Variants in RAF1 observed in about 807,000 individuals in gnomAD.
RAF1 encodes RAF proto-oncogene serine/threonine-protein kinase.
RAF1 carries 27 observed loss-of-function variants against 81.1 expected under a neutral mutation model. That is an observed-to-expected ratio of 0.33 (90% confidence interval 0.25 to 0.46). The LOEUF (loss-of-function observed/expected upper bound fraction) is 0.46, where lower values mean the gene tolerates loss of function less well. Ranked by LOEUF, RAF1 falls within the 20% of genes least tolerant of loss-of-function variation. The probability of loss-of-function intolerance (pLI) is 1.00; values close to 1 mark genes in which losing one functional copy is unlikely to be tolerated. For synonymous variants in RAF1, 298 were observed against 294.0 expected (o/e 1.01, Z -0.14); for missense variants, 598 against 826.0 (o/e 0.72, Z 3.38).
intron 1 of RAF1, among the ~76,000 whole-genome samples, chr3:12,636,211 G>A (rs1490608592): frequency 6.6e-5 from 10 of 150,988 alleles, no homozygotes; most frequent in Non-Finnish European, 1.3e-4. Flanking sequence ...CCTTGAACCC[G>A]GGAGGCAGAG....
chr3:12,627,711 T>TA (rs2059745694), intron 1 of RAF1, among the ~76,000 whole-genome samples: 1 of 144,688 alleles, frequency 6.9e-6, no homozygotes, highest in Non-Finnish European at 1.5e-5. Context: ...ACTTTGAGGA[T>TA]ATATTTGCTT....
chr3:12,605,488 G>A (rs2058997779), intron 6 of RAF1, among the ~76,000 whole-genome samples: 1 of 152,122 alleles, frequency 6.6e-6, no homozygotes, highest in African/African-American at 2.4e-5. Flanking sequence ...ATGTTGGCCA[G>A]GCTAGTCTGG....
intron 14 of RAF1, 57 bp from the exon 14 acceptor site, chr3:12,585,856 A>C (rs1246217431): frequency 2.4e-6 from 3 of 1,256,028 alleles, no homozygotes; most frequent in Non-Finnish European, 3.5e-6. Flanking sequence ...ATTTTGAAAA[A>C]TATCCCAAAG....
rs758789879 is a variant in RAF1, at chr3:12,591,758, G to A, written c.1203C>T (p.Asp401=). ...AGGCCTGGAATTGCTCTGGGGTTGG[G>A]TCGACAACCTTTAGGATCTTTACTG... The change falls in exon 12 of 18, where the codon GAC becomes GAT. Residue 401 remains aspartate, a synonymous_variant. Transcript: ENST00000442415. 5.6e-6 allele frequency: 9 copies of A among 1,614,068 alleles called. No individual in the cohort carries two copies. Among genetic ancestry groups the A allele is most frequent in the South Asian group, 3.3e-5 (3 of 91,086 alleles).
At chr3:12,606,147 A>C (rs2059021380) in intron 6 of RAF1, 54 bp downstream of exon 6, 4 of 1,393,350 alleles carry the variant, frequency 2.9e-6, no homozygotes, top group Non-Finnish European at 4.1e-6. Flanking sequence ...TCAAGCTTCC[A>C]ACCCCACCAC....
intron 14 of RAF1, chr3:12,587,173 ATTTGGCTTG>A (rs998436559): frequency 5.3e-6 from 1 of 188,622 alleles, no homozygotes; most frequent in African/African-American, 2.4e-5. Context: ...ACCTTTCAAC[ATTTGGCTTG>A]TAGCTACTTG....
Position 12,584,248 on chromosome 3 carries a change from G to GC in RAF1, c.*265dup, listed in dbSNP as rs748602944. 2.1e-4 allele frequency: 106 copies of GC among 514,428 alleles called. No homozygotes were observed. Among genetic ancestry groups the GC allele is most frequent in the Non-Finnish European group, 3.3e-4 (94 of 282,628 alleles). The allele number at this position is 514,428 out of a possible 1,614,324, so 31.9% of individuals were successfully genotyped here. ...TGTACTACCATCAACATCCACTTGC[G>GC]CATCTACAGAAGGCTGGGCCTTGAG... is the stretch of plus-strand genomic sequence containing the variant. On this transcript the variant is annotated 3_prime_UTR_variant, in exon 18 of 18. Coordinates refer to ENST00000442415, the MANE Select transcript of RAF1 (RefSeq NM_001354689.3).
chr3:12,618,413 A>G, intron 2 of RAF1, 102 bp downstream of exon 2: 1 of 1,261,280 alleles, frequency 7.9e-7, no homozygotes, highest in East Asian at 2.3e-5. Flanking sequence ...AAAGACCCTA[A>G]ATGACAATGA....
chr3:12,639,357 G>A (rs1364103269), intron 1 of RAF1, among the ~76,000 whole-genome samples: 4 of 152,134 alleles, frequency 2.6e-5, no homozygotes, highest in East Asian at 1.9e-4. Flanking sequence ...ACATAGTGTC[G>A]GAAGTTCTGG....
intron 14 of RAF1, 74 bp downstream of exon 13, chr3:12,587,517 T>C (rs2058366353): frequency 1.5e-6 from 2 of 1,367,140 alleles, no homozygotes; most frequent in Non-Finnish European, 2.1e-6. Flanking sequence ...GAGCCACTTG[T>C]GATAGAAAGC....
chr3:12,619,946 G>A (rs1032073728), intron 1 of RAF1, among the ~76,000 whole-genome samples: 2 of 151,990 alleles, frequency 1.3e-5, no homozygotes, highest in Non-Finnish European at 2.9e-5. Flanking sequence ...GCCAGGCATG[G>A]TGGCGGGCGC....
Position 12,585,663 on chromosome 3 carries a change from G to A in RAF1, c.1596+18C>T, listed in dbSNP as rs1187240120. 1 of 1,579,098 alleles carries A rather than the reference G, an allele frequency of 6.3e-7. No homozygotes were observed. Among genetic ancestry groups the A allele is most frequent in the East Asian group, 2.2e-5 (1 of 44,714 alleles). The stretch of plus-strand genomic sequence containing the variant: ...TTGCCCTATACCAGAGACTGCTGGT[G>A]GGAGCCCAGATTCTCACCATCCAGA... On this transcript the variant is annotated intron_variant, in intron 15 of 17. Transcript: ENST00000442415.
intron 1 of RAF1, among the ~76,000 whole-genome samples, chr3:12,620,756 G>T (rs1559451402): frequency 6.6e-6 from 1 of 152,148 alleles, no homozygotes; most frequent in Non-Finnish European, 1.5e-5. Context: ...GGGATTACAG[G>T]TTCAGTCACT....
intron 1 of RAF1, among the ~76,000 whole-genome samples, chr3:12,655,482 TA>T (rs1462035019): frequency 1.3e-5 from 2 of 152,202 alleles, no homozygotes; most frequent in African/African-American, 2.4e-5. Flanking sequence ...GTGGGAAATG[TA>T]AAATGGTGCA....
chr3:12,587,640 G>A lies in RAF1; in HGVS notation c.1431-3C>T, dbSNP rs2058369542. On this transcript the variant is annotated splice_polypyrimidine_tract_variant and splice_region_variant and intron_variant, in intron 13 of 17. Coordinates refer to ENST00000442415, the MANE Select transcript of RAF1 (RefSeq NM_001354689.3). ...TGATGTTCTTTGCATGCAAATAGCT[G>A]TGAAGGGAAAAGAAATTATTAAAAA... The A allele has an allele frequency of 6.2e-7, 1 of 1,605,106 alleles. No homozygotes were observed. Among genetic ancestry groups the A allele is most frequent in the African/African-American group, 1.3e-5 (1 of 74,686 alleles).
At chr3:12,619,472 G>A (rs913596711) in intron 1 of RAF1, among the ~76,000 whole-genome samples, 6 of 151,552 alleles carry the variant, frequency 4.0e-5, no homozygotes, top group African/African-American at 1.5e-4. Context: ...GCTGAGGCAG[G>A]AGAAATCACT....
intron 17 of RAF1, 22 bp downstream of exon 16, chr3:12,584,825 T>C (rs745438699): frequency 6.2e-7 from 1 of 1,614,012 alleles, no homozygotes; most frequent in East Asian, 2.2e-5. Context: ...TTTAATCACA[T>C]TCTAGCAGCC....
intron 1 of RAF1, among the ~76,000 whole-genome samples, chr3:12,634,348 G>A (rs1301425525): frequency 1.6e-4 from 24 of 149,714 alleles, no homozygotes; most frequent in South Asian, 2.1e-4. Context: ...ATGGCGTTTC[G>A]CCATGTTGGC....
chr3:12,661,594 T>C (rs1016569169), intron 1 of RAF1, among the ~76,000 whole-genome samples: 4 of 151,826 alleles, frequency 2.6e-5, no homozygotes, highest in African/African-American at 9.7e-5. Context: ...ACCCAGCTAC[T>C]CAGGAGGGTG....
Sources: allele counts gnomAD v4.1 joint callset (sites outside exome capture counted in the v4.1 genomes callset), GRCh38; gene constraint gnomAD v4.1.1; transcripts MANE v1.5; gene names NCBI Gene and HGNC (gene_info 2026-07-23, HGNC 2026-07-21).